RYR2: variants seen among roughly 807,000 people sequenced by gnomAD.
The protein encoded by RYR2 is cardiac muscle ryanodine receptor-calcium release channel.
In RYR2, 227 loss-of-function variants were observed where a neutral mutation model predicts 601.1. The ratio of observed to expected loss-of-function variants is 0.38; its 90% CI spans 0.34 to 0.42. The LOEUF is 0.42. RYR2 is among the 10% of genes least tolerant of loss of function. The pLI is 1.00. For synonymous variants in RYR2, 2,223 were observed against 2,175.1 expected, an observed-to-expected ratio of 1.02 and a Z score of -0.61; for missense variants, 4,646 against 6,156.5, an observed-to-expected ratio of 0.75 and a Z score of 8.21.
At chr1:237,346,889 T>G (rs1698357627) in intron 3 of RYR2, among the ~76,000 whole-genome samples, 1 of 152,208 alleles carries the variant, frequency 6.6e-6, no homozygotes, top group Non-Finnish European at 1.5e-5. Flanking sequence ...TTCTCCCACA[T>G]TAATGTCATG....
intron 1 of RYR2, among the ~76,000 whole-genome samples, chr1:237,047,296 A>C (rs1196912101): frequency 6.6e-6 from 1 of 151,762 alleles, no homozygotes; most frequent in Non-Finnish European, 1.5e-5. Flanking sequence ...GCCAGTGAAA[A>C]GGAGGTTTCT....
intron 10 of RYR2, among the ~76,000 whole-genome samples, chr1:237,404,895 G>A (rs571228100): frequency 1.2e-4 from 18 of 152,300 alleles, no homozygotes; most frequent in Non-Finnish European, 2.4e-4. Context: ...AGCTGTCAGA[G>A]CGCAATGAAA....
intron 66 of RYR2, among the ~76,000 whole-genome samples, chr1:237,704,146 A>G (rs546283036): frequency 6.6e-6 from 1 of 152,248 alleles, no homozygotes; most frequent in East Asian, 1.9e-4. Flanking sequence ...GTCTGTGTCT[A>G]GTAGCTTCTG....
chr1:237,151,676 G>A (rs558773853), intron 1 of RYR2, among the ~76,000 whole-genome samples: 117 of 152,148 alleles, frequency 7.7e-4, no homozygotes, highest in African/African-American at 2.7e-3. Context: ...CATTGTTTTT[G>A]TTGTTGTGTG....
intron 71 of RYR2, among the ~76,000 whole-genome samples, chr1:237,714,029 CCAATTAAAA>C (rs1314271502): frequency 2.0e-5 from 3 of 151,384 alleles, no homozygotes; most frequent in Admixed American, 1.3e-4. Flanking sequence ...ATAAATACAA[CCAATTAAAA>C]CTGTGCTTTC....
intron 30 of RYR2, among the ~76,000 whole-genome samples, chr1:237,590,273 G>A (rs1257708930): frequency 1.3e-5 from 2 of 151,652 alleles, no homozygotes; most frequent in East Asian, 1.9e-4. Context: ...GGGTTTGTGC[G>A]CATCAAGCTC....
At chr1:237,482,670 C>G (rs993395304) in intron 17 of RYR2, among the ~76,000 whole-genome samples, 1 of 152,152 alleles carries the variant, frequency 6.6e-6, no homozygotes, top group Admixed American at 6.5e-5. Context: ...CCATGGAGTG[C>G]AGATATCTCT....
At chr1:237,720,110 A>C (rs779026527) in intron 73 of RYR2, among the ~76,000 whole-genome samples, 1 of 152,210 alleles carries the variant, frequency 6.6e-6, no homozygotes, top group African/African-American at 2.4e-5. Flanking sequence ...GAAATTTTTT[A>C]TACCATTGAA....
chr1:237,577,303 A>T (rs1329465717), intron 29 of RYR2, among the ~76,000 whole-genome samples: 1 of 152,224 alleles, frequency 6.6e-6, no homozygotes, highest in Non-Finnish European at 1.5e-5. Context: ...TGGTAGGCCG[A>T]ATAATGTCCT....
chr1:237,145,329 G>A (rs1673892243), intron 1 of RYR2, among the ~76,000 whole-genome samples: 1 of 152,138 alleles, frequency 6.6e-6, no homozygotes, highest in Admixed American at 6.5e-5. Flanking sequence ...GCATTTAGCT[G>A]TGCACGCTCA....
intron 62 of RYR2, among the ~76,000 whole-genome samples, chr1:237,686,009 G>A (rs1456402931): frequency 3.3e-5 from 5 of 152,160 alleles, no homozygotes; most frequent in African/African-American, 1.2e-4. Context: ...CTGTAAAAGA[G>A]GTCAACCTCA....
intron 1 of RYR2, among the ~76,000 whole-genome samples, chr1:237,118,032 C>T (rs2148629298): frequency 6.6e-6 from 1 of 152,344 alleles, no homozygotes; most frequent in South Asian, 2.1e-4. Flanking sequence ...AGGCGTGAGC[C>T]ACTGAGCCCA....
Position 237,220,529 on chromosome 1 carries a change from T to C in RYR2, c.49-49968T>C, listed in dbSNP as rs567961270. Among the ~76,000 whole-genome samples, 155 of 152,326 alleles carry C rather than the reference T, an allele frequency of 1.0e-3. 1 individual carries two copies. Among genetic ancestry groups the C allele is most frequent in the African/African-American group, 3.6e-3 (148 of 41,580 alleles). On this transcript the variant is annotated intron_variant, in intron 1 of 104. Transcript: ENST00000366574. ...CTGTCGTAGGACTTCTCTGCTTCTGTGGTCCTGTGAGCCAATTCCTCCCAG... is the reference window on the plus strand; with the variant it reads ...CTGTCGTAGGACTTCTCTGCTTCTGCGGTCCTGTGAGCCAATTCCTCCCAG...
chr1:237,420,371 A>C lies in RYR2; in HGVS notation c.849-2721A>C, dbSNP rs539709991. 3.9e-5 allele frequency among the ~76,000 whole-genome samples: 6 copies of C among 152,326 alleles called. No homozygotes were observed. The South Asian group carries it at 1.0e-3, about 26-fold the overall frequency. ...GGTGACATATCATAAAGAAGTACTCACTATTCCCCAATTCCCTTTGAGGTA... is the reference window on the plus strand; with the variant it reads ...GGTGACATATCATAAAGAAGTACTCCCTATTCCCCAATTCCCTTTGAGGTA... On this transcript the variant is annotated intron_variant, in intron 11 of 104. Coordinates refer to ENST00000366574, the MANE Select transcript of RYR2 (RefSeq NM_001035.3).
At chr1:237,606,781 C>A (rs1573077104) in intron 35 of RYR2, among the ~76,000 whole-genome samples, 1 of 152,294 alleles carries the variant, frequency 6.6e-6, no homozygotes, top group East Asian at 1.9e-4. Flanking sequence ...TGAACAGACA[C>A]TTCTCAAAAG....
intron 1 of RYR2, among the ~76,000 whole-genome samples, chr1:237,117,000 A>G (rs1372156909): frequency 6.6e-6 from 1 of 152,200 alleles, no homozygotes; most frequent in East Asian, 1.9e-4. Flanking sequence ...GTTGACATGT[A>G]AAGTTAACCA....
intron 34 of RYR2, among the ~76,000 whole-genome samples, chr1:237,599,590 G>A (rs1316467251): frequency 6.6e-6 from 1 of 152,078 alleles, no homozygotes; most frequent in African/African-American, 2.4e-5. Context: ...GGAGGCCGAG[G>A]CGGGTGGATC....
At chr1:237,567,189 A>G (rs1278740310) in intron 28 of RYR2, among the ~76,000 whole-genome samples, 1 of 152,132 alleles carries the variant, frequency 6.6e-6, no homozygotes, top group African/African-American at 2.4e-5. Flanking sequence ...CATTTTCAAC[A>G]TTATTGGTAA....
At chr1:237,604,284 A>T (rs955110116) in intron 35 of RYR2, among the ~76,000 whole-genome samples, 2 of 152,196 alleles carry the variant, frequency 1.3e-5, no homozygotes, top group Non-Finnish European at 2.9e-5. Flanking sequence ...AAAACCACTC[A>T]ACTACATGGA....
Sources: gnomAD v4.1 joint callset for allele counts (sites outside exome capture counted in the v4.1 genomes callset) on GRCh38, gnomAD v4.1.1 for gene constraint, MANE v1.5 for transcripts, NCBI Gene and HGNC (gene_info 2026-07-23, HGNC 2026-07-21) for gene names.